The following PHKB variants were observed in gnomAD, a reference collection of about 807,000 sequenced individuals.
PHKB encodes the protein phosphorylase b kinase regulatory subunit beta.
In PHKB, 122 loss-of-function variants were observed where a neutral mutation model predicts 152.1. The observed-to-expected ratio is 0.80, with a 90% CI of 0.69 to 0.93. The LOEUF is 0.93. Ranked by LOEUF, PHKB falls within the 40% of genes least tolerant of loss-of-function variation. PHKB has a pLI of 0.00. For synonymous variants in PHKB, 436 were observed against 464.9 expected (o/e 0.94, Z 0.80); for missense variants, 1,304 against 1,328.4 (o/e 0.98, Z 0.29).
chr16:47,505,418 A>G (rs1474603272), intron 4 of PHKB: 2 of 152,306 alleles, frequency 1.3e-5, no homozygotes, highest in South Asian at 2.1e-4. Context: ...CAGAGAATGT[A>G]TAGAGAACAT....
intron 7 of PHKB, among the ~76,000 whole-genome samples, chr16:47,556,946 A>C (rs1468514077): frequency 7.9e-5 from 12 of 152,096 alleles, no homozygotes; most frequent in East Asian, 1.9e-4. Context: ...ACAATTTCAG[A>C]TCCTGTTATT....
intron 12 of PHKB, 152 bp downstream of exon 12, chr16:47,594,366 A>G (rs1972082592): frequency 1.6e-6 from 1 of 637,512 alleles, no homozygotes. Context: ...AAGATTAAGC[A>G]AGACAAAGAT....
At chr16:47,603,200 C>T (rs1257508767) in intron 13 of PHKB, among the ~76,000 whole-genome samples, 1 of 152,170 alleles carries the variant, frequency 6.6e-6, no homozygotes, top group Non-Finnish European at 1.5e-5. Context: ...TCTTCAAATG[C>T]AGTTGACTCT....
chr16:47,689,259 G>A, intron 27 of PHKB, 84 bp downstream of exon 27: 1 of 1,370,894 alleles, frequency 7.3e-7, no homozygotes, highest in Non-Finnish European at 1.0e-6. Flanking sequence ...CTATGAAATT[G>A]ATAAGATATT....
chr16:47,516,742 A>C (rs900978162), intron 6 of PHKB, among the ~76,000 whole-genome samples: 5 of 152,334 alleles, frequency 3.3e-5, no homozygotes, highest in Middle Eastern at 3.4e-3. Flanking sequence ...AGTCTCATAC[A>C]ATAAATAAAT....
intron 20 of PHKB, 34 bp from the exon 21 acceptor site, chr16:47,660,472 T>C (rs781723865): frequency 6.4e-7 from 1 of 1,564,132 alleles, no homozygotes; most frequent in Non-Finnish European, 8.8e-7. Context: ...TTGATGTATC[T>C]AAGAGTTTCT....
At chr16:47,565,246 C>T (rs895346842) in intron 7 of PHKB, 15 of 690,752 alleles carry the variant, frequency 2.2e-5, no homozygotes, top group African/African-American at 8.8e-5. Flanking sequence ...TATCTGACTC[C>T]GTTCAGTGGT....
At chr16:47,490,671 G>C (rs568629287) in intron 1 of PHKB, among the ~76,000 whole-genome samples, 119 of 152,146 alleles carry the variant, frequency 7.8e-4, no homozygotes, top group Non-Finnish European at 1.2e-3. Flanking sequence ...TAACACACTT[G>C]ATGTTATGAA....
intron 14 of PHKB, among the ~76,000 whole-genome samples, chr16:47,629,359 C>A (rs1407932121): frequency 6.6e-6 from 1 of 151,596 alleles, no homozygotes; most frequent in African/African-American, 2.4e-5. Context: ...AAAAAGTGGG[C>A]GAAGGACATG....
intron 16 of PHKB, among the ~76,000 whole-genome samples, chr16:47,647,882 A>G (rs989281526): frequency 6.6e-6 from 1 of 152,246 alleles, no homozygotes; most frequent in Non-Finnish European, 1.5e-5. Context: ...TTATGTAAAT[A>G]TACACACATA....
rs144833186 is a variant in PHKB at position 47,620,925 on chromosome 16, G to A, written c.1458+10005G>A. Among the ~76,000 whole-genome samples the A allele has an allele frequency of 7.5e-3, 1,134 of 152,160 alleles. 17 individuals carry two copies. The highest frequency in any genetic ancestry group is 0.026 in the African/African-American group (1,074 of 41,518). On this transcript the variant is annotated intron_variant, in intron 14 of 30. Transcript: ENST00000323584. Reference sequence around the variant, plus strand: ...GAGATGTTCTAGGAAGGGCAGGACAGTATAATCTAGCAAGAAGTTTAAAAT... The same window carrying A: ...GAGATGTTCTAGGAAGGGCAGGACAATATAATCTAGCAAGAAGTTTAAAAT...
intron 6 of PHKB, among the ~76,000 whole-genome samples, chr16:47,534,390 T>A (rs1362117667): frequency 1.3e-5 from 2 of 152,194 alleles, no homozygotes; most frequent in African/African-American, 4.8e-5. Context: ...AGAAATAATA[T>A]TTCTATATGT....
chr16:47,519,305 A>G (rs1298578965), intron 6 of PHKB, among the ~76,000 whole-genome samples: 1 of 152,176 alleles, frequency 6.6e-6, no homozygotes, highest in Admixed American at 6.5e-5. Flanking sequence ...CTATGTAACA[A>G]ACTACCTCAG....
intron 7 of PHKB, among the ~76,000 whole-genome samples, chr16:47,578,734 C>T (rs1166967903): frequency 1.3e-5 from 2 of 152,132 alleles, no homozygotes; most frequent in African/African-American, 4.8e-5. Flanking sequence ...AGTTTTCTGA[C>T]ACCACCATGA....
intron 4 of PHKB, chr16:47,505,361 G>C (rs1010883083): frequency 3.3e-5 from 5 of 152,330 alleles, no homozygotes; most frequent in African/African-American, 1.2e-4. Context: ...GGTTGATACA[G>C]GAGGAGGGCG....
chr16:47,571,310 G>A (rs148913029), intron 7 of PHKB, among the ~76,000 whole-genome samples: 1 of 152,288 alleles, frequency 6.6e-6, no homozygotes, highest in East Asian at 1.9e-4. Flanking sequence ...TGAAGCAGGT[G>A]GTGGGTATAT....
At chr16:47,591,201 T>C (rs1972023407) in intron 10 of PHKB, among the ~76,000 whole-genome samples, 1 of 152,220 alleles carries the variant, frequency 6.6e-6, no homozygotes, top group Non-Finnish European at 1.5e-5. Context: ...AGCACATTGA[T>C]GTTTATCATT....
At position 47,650,592 on chromosome 16, in the gene PHKB, C is replaced by G. The variant is rs775101803; in HGVS notation, c.1846C>G (p.Leu616Val). ...KQYWKMHGRP[L>V]FLVLIREDNI... The stretch of plus-strand genomic sequence containing the variant: ...ATATTGGAAAATGCATGGACGTCCA[C>G]TTTTCCTTGTTCTCATCCGGGAAGA... Residue 616 changes from leucine to valine, a missense_variant, in exon 19 of 31, where the codon CTT becomes GTT. Leu to Val is a conservative substitution (Grantham distance 32). Transcript: ENST00000323584. 21 of 1,611,350 alleles carry G rather than the reference C, an allele frequency of 1.3e-5. No individual in the cohort carries two copies. Among genetic ancestry groups the G allele is most frequent in the Middle Eastern group, 3.3e-4 (2 of 6,060 alleles).
chr16:47,670,634 C>T (rs1041367830), intron 26 of PHKB, among the ~76,000 whole-genome samples: 5 of 152,058 alleles, frequency 3.3e-5, no homozygotes, highest in East Asian at 1.9e-4. Flanking sequence ...GGATTACAAG[C>T]GTGCGCCACC....
Sources: gnomAD v4.1 joint callset for allele counts (sites outside exome capture counted in the v4.1 genomes callset) on GRCh38, gnomAD v4.1.1 for gene constraint, MANE v1.5 for transcripts, NCBI Gene and HGNC (gene_info 2026-07-23, HGNC 2026-07-21) for gene names.